Variants in NUBPL observed in about 807,000 individuals in gnomAD.
The protein encoded by NUBPL is NUBP iron-sulfur cluster assembly factor, mitochondrial, also known as iron-sulfur cluster transfer protein NUBPL.
Under a neutral mutation model 45.7 loss-of-function variants are expected in NUBPL, and 31 were observed. The ratio of observed to expected loss-of-function variants is 0.68; its 90% CI spans 0.51 to 0.92. The LOEUF is 0.92. Among genes scored for constraint, NUBPL ranks in the 40% least tolerant of loss-of-function variants. NUBPL has a pLI of 0.00. For missense variants in NUBPL, 401 were observed against 398.7 expected, an observed-to-expected ratio of 1.01 and a Z score of -0.05; for synonymous variants, 144 against 140.9, an observed-to-expected ratio of 1.02 and a Z score of -0.15.
chr14:31,757,350 A>T (rs1343307006), intron 6 of NUBPL, among the ~76,000 whole-genome samples: 1 of 151,260 alleles, frequency 6.6e-6, no homozygotes, highest in African/African-American at 2.4e-5. Context: ...TTTGGTTGGT[A>T]AGCTATTGAT....
intron 7 of NUBPL, among the ~76,000 whole-genome samples, chr14:31,815,054 C>G (rs1029476604): frequency 5.3e-5 from 8 of 151,930 alleles, no homozygotes; most frequent in Non-Finnish European, 8.8e-5. Flanking sequence ...CTTAAAGTAC[C>G]TTTTTCTAAT....
intron 6 of NUBPL, among the ~76,000 whole-genome samples, chr14:31,727,313 T>C (rs1160881827): frequency 6.6e-6 from 1 of 152,246 alleles, no homozygotes; most frequent in Admixed American, 6.5e-5. Flanking sequence ...TCCTCAGTAA[T>C]GAAGGCTTAC....
At chr14:31,614,514 G>T (rs372586483) in intron 4 of NUBPL, among the ~76,000 whole-genome samples, 15 of 152,156 alleles carry the variant, frequency 9.9e-5, no homozygotes, top group African/African-American at 3.6e-4. Context: ...TATTTAAGTA[G>T]AACATATTTT....
chr14:31,589,749 C>T (rs1046273006), intron 3 of NUBPL, among the ~76,000 whole-genome samples: 1 of 152,138 alleles, frequency 6.6e-6, no homozygotes, highest in Admixed American at 6.6e-5. Context: ...CAACCCCTGC[C>T]ATATTTTCTG....
At chr14:31,731,969 G>A (rs149555690) in intron 6 of NUBPL, among the ~76,000 whole-genome samples, 51 of 152,000 alleles carry the variant, frequency 3.4e-4, no homozygotes, top group African/African-American at 1.1e-3. Context: ...TTGAGAGGCC[G>A]AGGCGGGCGG....
In NUBPL at chr14:31,666,255, A is replaced by ATT. The variant is rs2036416584; in HGVS notation, c.383-7099_383-7098insTT. On this transcript the variant is annotated intron_variant, in intron 4 of 10. Transcript: ENST00000281081. ...TATATATATATATATATATATATAT[A>ATT]TATATATAATTTTATTTTATTTTTT... is the stretch of plus-strand genomic sequence containing the variant. Among the ~76,000 whole-genome samples the ATT allele has an allele frequency of 8.1e-5, 2 of 24,732 alleles. 1 individual carries two copies. The highest frequency in any genetic ancestry group is 1.4e-4 in the Non-Finnish European group (2 of 14,278). The allele number at this position is 24,732 out of a possible 152,430, so 16.2% of individuals were successfully genotyped here.
intron 6 of NUBPL, among the ~76,000 whole-genome samples, chr14:31,715,546 T>C (rs1005785474): frequency 5.2e-4 from 79 of 152,322 alleles, no homozygotes; most frequent in Non-Finnish European, 2.1e-4. Context: ...CTGAATACTA[T>C]AGGGAATTGT....
chr14:31,568,122 T>G (rs1302444335), intron 3 of NUBPL, among the ~76,000 whole-genome samples: 1 of 152,210 alleles, frequency 6.6e-6, no homozygotes, highest in Non-Finnish European at 1.5e-5. Context: ...TTCCTAGTGA[T>G]TTTAATGACA....
At chr14:31,769,552 TAA>T (rs1385995936) in intron 6 of NUBPL, among the ~76,000 whole-genome samples, 1 of 152,128 alleles carries the variant, frequency 6.6e-6, no homozygotes, top group Non-Finnish European at 1.5e-5. Context: ...AAAATTCAGC[TAA>T]GTTTTCCAAA....
intron 8 of NUBPL, among the ~76,000 whole-genome samples, chr14:31,840,289 A>T (rs975131455): frequency 2.6e-5 from 4 of 152,120 alleles, no homozygotes; most frequent in African/African-American, 9.7e-5. Flanking sequence ...AAAGAGAGAA[A>T]TTGGCCAGGC....
intron 6 of NUBPL, among the ~76,000 whole-genome samples, chr14:31,697,494 CTCTA>C (rs2037238859): frequency 6.6e-6 from 1 of 152,178 alleles, no homozygotes; most frequent in Non-Finnish European, 1.5e-5. Flanking sequence ...GCCTTTTTTA[CTCTA>C]TCTGTTGTTC....
At chr14:31,682,804 A>G (rs1360406255) in intron 6 of NUBPL, among the ~76,000 whole-genome samples, 1 of 152,184 alleles carries the variant, frequency 6.6e-6, no homozygotes, top group African/African-American at 2.4e-5. Flanking sequence ...TAGTGTTGCT[A>G]TAAAGGAATA....
intron 4 of NUBPL, among the ~76,000 whole-genome samples, chr14:31,672,780 A>C (rs1395393783): frequency 6.6e-6 from 1 of 152,144 alleles, no homozygotes; most frequent in Non-Finnish European, 1.5e-5. Flanking sequence ...TATTTGAAGT[A>C]TTTCTTAATA....
chr14:31,699,244 A>G (rs1247525750), intron 6 of NUBPL, among the ~76,000 whole-genome samples: 1 of 152,222 alleles, frequency 6.6e-6, no homozygotes, highest in Non-Finnish European at 1.5e-5. Flanking sequence ...TTTTATAGTT[A>G]GTTTATTTTG....
chr14:31,830,656 C>G (rs147065060), intron 8 of NUBPL, among the ~76,000 whole-genome samples: 77 of 152,330 alleles, frequency 5.1e-4, no homozygotes, highest in African/African-American at 1.8e-3. Context: ...TATTCCACTG[C>G]AGGTTTACCT....
At chr14:31,756,658 T>G (rs576310749) in intron 6 of NUBPL, among the ~76,000 whole-genome samples, 30 of 148,626 alleles carry the variant, frequency 2.0e-4, no homozygotes, top group African/African-American at 6.6e-4. Flanking sequence ...AGGGACAATT[T>G]GACTTCCTCT....
chr14:31,833,871 CAT>C (rs959299965), intron 8 of NUBPL, among the ~76,000 whole-genome samples: 3 of 152,204 alleles, frequency 2.0e-5, no homozygotes, highest in African/African-American at 7.2e-5. Flanking sequence ...CACATGGCCA[CAT>C]GTCATATCTC....
rs184279428 is a variant in NUBPL at position 31,810,264 on chromosome 14, A to G, written c.608-16365A>G. 2.0e-5 allele frequency among the ~76,000 whole-genome samples: 3 copies of G among 152,168 alleles called. No homozygotes were observed. In the East Asian group the frequency reaches 5.8e-4, roughly 29 times the overall value. On this transcript the variant is annotated intron_variant, in intron 7 of 10. Transcript: ENST00000281081. ...TGTGTGGGAGTCTAAGTCTCTTTTTAGGTCTCTTGGGGCTTGCTTTATGAA... is the reference window on the plus strand; with the variant it reads ...TGTGTGGGAGTCTAAGTCTCTTTTTGGGTCTCTTGGGGCTTGCTTTATGAA...
At chr14:31,579,496 A>C (rs2033807583) in intron 3 of NUBPL, among the ~76,000 whole-genome samples, 1 of 152,222 alleles carries the variant, frequency 6.6e-6, no homozygotes, top group South Asian at 2.1e-4. Context: ...CAACAGAATA[A>C]CAAATGCTAA....
Sources: allele counts gnomAD v4.1 joint callset (sites outside exome capture counted in the v4.1 genomes callset), GRCh38; gene constraint gnomAD v4.1.1; transcripts MANE v1.5; gene names NCBI Gene and HGNC (gene_info 2026-07-23, HGNC 2026-07-21).